The following GGACT variants were observed in gnomAD, a reference collection of about 807,000 sequenced individuals.
The protein encoded by GGACT is gamma-glutamylamine cyclotransferase, also known as gamma-glutamylaminecyclotransferase.
For synonymous variants in GGACT, 118 were observed against 115.3 expected, an observed-to-expected ratio of 1.02 and a Z score of -0.15; for missense variants, 241 against 233.2, an observed-to-expected ratio of 1.03 and a Z score of -0.22.
chr13:100,586,705 C>T (rs1212908814), intron 1 of GGACT: 1 of 152,436 alleles, frequency 6.6e-6, no homozygotes, highest in Non-Finnish European at 1.5e-5. Flanking sequence ...CAACAGCACA[C>T]TGCCTCTGGT....
In GGACT at chr13:100,531,802, ATTTATT is replaced by A. The variant is rs375059462; in HGVS notation, c.*322_*327del. The A allele has an allele frequency of 0.1, 7,796 of 75,702 alleles. 583 individuals carry two copies. The highest frequency in any genetic ancestry group is 0.4 in the African/African-American group (7,127 of 17,778). The allele number at this position is 75,702 out of a possible 1,614,324, so 4.7% of individuals were successfully genotyped here. On this transcript the variant is annotated 3_prime_UTR_variant, in exon 3 of 3. Coordinates refer to ENST00000683975, the MANE Select transcript of GGACT (RefSeq NM_001195087.2). ...CCAAGTCTTTACACTGATCCTAAAT[ATTTATT>A]ATTATCTTGAGCTCAAAGCAGAGCC...
intron 2 of GGACT, among the ~76,000 whole-genome samples, chr13:100,547,951 T>C (rs928812994): frequency 1.3e-5 from 2 of 152,230 alleles, no homozygotes; most frequent in African/African-American, 4.8e-5. Context: ...TGGAAGACGG[T>C]GCAGCAATCA....
intron 2 of GGACT, chr13:100,541,933 T>A (rs553772083): frequency 1.2e-4 from 18 of 152,344 alleles, no homozygotes; most frequent in African/African-American, 4.1e-4. Context: ...TTGAGAACAC[T>A]ACTTATGCAA....
At chr13:100,539,586 G>A (rs2088530262) in intron 2 of GGACT, 2 of 383,336 alleles carry the variant, frequency 5.2e-6, no homozygotes, top group South Asian at 4.9e-5. Context: ...CTTTTAATGT[G>A]TTGTTGAATT....
intron 2 of GGACT, among the ~76,000 whole-genome samples, chr13:100,543,475 G>C (rs2088574095): frequency 6.6e-6 from 1 of 152,102 alleles, no homozygotes; most frequent in Non-Finnish European, 1.5e-5. Context: ...CAAAGTGCTA[G>C]ATTGCAGGCA....
chr13:100,578,136 G>A (rs189918099), intron 2 of GGACT, among the ~76,000 whole-genome samples: 1 of 152,284 alleles, frequency 6.6e-6, no homozygotes, highest in South Asian at 2.1e-4. Flanking sequence ...CGTCCACAGG[G>A]AAATGTCCGA....
At chr13:100,548,011 C>A (rs1415809151) in intron 2 of GGACT, among the ~76,000 whole-genome samples, 5 of 152,244 alleles carry the variant, frequency 3.3e-5, no homozygotes, top group African/African-American at 1.2e-4. Context: ...GGCAGCAAAA[C>A]CCCGGGCAGC....
At chr13:100,546,155 T>C (rs1176032850) in intron 2 of GGACT, among the ~76,000 whole-genome samples, 1 of 151,636 alleles carries the variant, frequency 6.6e-6, no homozygotes, top group Non-Finnish European at 1.5e-5. Flanking sequence ...GGACAGGAGA[T>C]CGAGACTATC....
chr13:100,559,106 C>G (rs2088735462), intron 2 of GGACT, among the ~76,000 whole-genome samples: 1 of 152,140 alleles, frequency 6.6e-6, no homozygotes, highest in Admixed American at 6.5e-5. Flanking sequence ...CAGAGCACAG[C>G]TCTGATGATG....
chr13:100,543,583 G>A (rs2088575070), intron 2 of GGACT, among the ~76,000 whole-genome samples: 1 of 152,306 alleles, frequency 6.6e-6, no homozygotes, highest in African/African-American at 2.4e-5. Flanking sequence ...AAAATTTCAT[G>A]ACAGGAGGAA....
chr13:100,554,157 C>T (rs1373354586), intron 2 of GGACT, among the ~76,000 whole-genome samples: 2 of 152,194 alleles, frequency 1.3e-5, no homozygotes, highest in Non-Finnish European at 2.9e-5. Context: ...GAACTGGACA[C>T]AGAAACCAGA....
intron 2 of GGACT, among the ~76,000 whole-genome samples, chr13:100,556,294 T>C (rs991096043): frequency 2.0e-5 from 3 of 152,180 alleles, no homozygotes; most frequent in Admixed American, 2.0e-4. Context: ...ATAAGGCCAA[T>C]ATACAAAAAT....
chr13:100,550,417 T>TACACAC lies in GGACT; in HGVS notation c.-10-17822_-10-17817dup, dbSNP rs61669253. On this transcript the variant is annotated intron_variant, in intron 2 of 2. Transcript: ENST00000683975. ...AATTAAATCCGAGCCGATTATACTC[T>TACACAC]ACACACACACACACACACACACACA... is the stretch of plus-strand genomic sequence containing the variant. Among the ~76,000 whole-genome samples, 229 of 72,500 alleles carry TACACAC rather than the reference T, an allele frequency of 3.2e-3. 7 individuals carry two copies. Among genetic ancestry groups the TACACAC allele is most frequent in the African/African-American group, 8.4e-3 (102 of 12,210 alleles). The allele number at this position is 72,500 out of a possible 152,430, so 47.6% of individuals were successfully genotyped here.
chr13:100,540,733 G>GAGA (rs2088545135), intron 2 of GGACT, among the ~76,000 whole-genome samples: 1 of 152,072 alleles, frequency 6.6e-6, no homozygotes, highest in Non-Finnish European at 1.5e-5. Context: ...CTCATGTTCA[G>GAGA]CCCATCTCCA....
Position 100,570,311 on chromosome 13 carries a change from T to G in GGACT, c.-11+13514A>C, listed in dbSNP as rs184644854. Reference sequence around the variant, plus strand: ...AGGAAGAGGTTTAATCGACTCGTGTTCAGCATAGCTGAGGAGGCCTCAGGA... The same window carrying G: ...AGGAAGAGGTTTAATCGACTCGTGTGCAGCATAGCTGAGGAGGCCTCAGGA... On this transcript the variant is annotated intron_variant, in intron 2 of 2. Transcript: ENST00000683975. Among the ~76,000 whole-genome samples, 4 of 152,308 alleles carry G rather than the reference T, an allele frequency of 2.6e-5. No homozygotes were observed. The East Asian group carries it at 7.8e-4, about 30-fold the overall frequency.
chr13:100,560,046 A>G (rs11616731), intron 2 of GGACT, among the ~76,000 whole-genome samples: 67,064 of 151,894 alleles, frequency 0.44, 15,236 homozygotes, highest in Non-Finnish European at 0.47. Context: ...GGGTAGATCC[A>G]GGAAAAGCCA....
At chr13:100,571,315 A>G (rs1875075759) in intron 2 of GGACT, among the ~76,000 whole-genome samples, 1 of 152,226 alleles carries the variant, frequency 6.6e-6, no homozygotes, top group East Asian at 1.9e-4. Context: ...CTTCGCAAGG[A>G]AAATTGAAAA....
intron 2 of GGACT, among the ~76,000 whole-genome samples, chr13:100,548,857 A>C (rs1443548035): frequency 6.6e-6 from 1 of 152,282 alleles, no homozygotes; most frequent in East Asian, 1.9e-4. Context: ...CAGGGGACAC[A>C]GGGTCCACAG....
At chr13:100,585,089 T>C (rs923130248) in intron 1 of GGACT, among the ~76,000 whole-genome samples, 1 of 152,108 alleles carries the variant, frequency 6.6e-6, no homozygotes, top group Non-Finnish European at 1.5e-5. Flanking sequence ...ACAGGAAATA[T>C]AGGGGATAGA....
Sources: gnomAD v4.1 joint callset for allele counts (sites outside exome capture counted in the v4.1 genomes callset) on GRCh38, gnomAD v4.1.1 for gene constraint, MANE v1.5 for transcripts, NCBI Gene and HGNC (gene_info 2026-07-23, HGNC 2026-07-21) for gene names.